Variants in ABCC5 observed in about 807,000 individuals in gnomAD.
ABCC5 encodes the protein ATP binding cassette subfamily C member 5.
Under a neutral mutation model 160.9 loss-of-function variants are expected in ABCC5, and 61 were observed. The ratio of observed to expected loss-of-function variants is 0.38; its 90% CI spans 0.31 to 0.47. ABCC5 has a LOEUF of 0.47. Ranked by LOEUF, ABCC5 falls within the 20% of genes least tolerant of loss-of-function variation. The pLI, the probability that ABCC5 is intolerant of heterozygous loss-of-function variation, is 0.99. For synonymous variants in ABCC5, 666 were observed against 700.6 expected (o/e 0.95, Z 0.78); for missense variants, 1,308 against 1,813.3 (o/e 0.72, Z 5.06).
At chr3:183,967,013 T>TG (rs1471951307) in intron 12 of ABCC5, among the ~76,000 whole-genome samples, 2 of 151,998 alleles carry the variant, frequency 1.3e-5, no homozygotes, top group Non-Finnish European at 2.9e-5. Flanking sequence ...CACCTTGTTT[T>TG]TTTTTTTTTT....
intron 1 of ABCC5, among the ~76,000 whole-genome samples, chr3:184,015,620 A>G (rs1722126958): frequency 6.6e-6 from 1 of 152,186 alleles, no homozygotes. Flanking sequence ...GTCCAAAGAA[A>G]GCTTGATTTC....
chr3:183,953,543 G>T (rs781299006), intron 17 of ABCC5, among the ~76,000 whole-genome samples: 1 of 152,142 alleles, frequency 6.6e-6, no homozygotes, highest in Non-Finnish European at 1.5e-5. Flanking sequence ...CAGACTGGTA[G>T]GACAGGCAGA....
At chr3:184,005,250 T>C (rs943268139) in intron 2 of ABCC5, among the ~76,000 whole-genome samples, 1 of 152,168 alleles carries the variant, frequency 6.6e-6, no homozygotes, top group African/African-American at 2.4e-5. Context: ...TGAGGTTCCA[T>C]CCATCTTTTA....
At chr3:183,962,563 C>T (rs1412296053) in intron 15 of ABCC5, among the ~76,000 whole-genome samples, 2 of 147,114 alleles carry the variant, frequency 1.4e-5, no homozygotes, top group African/African-American at 2.5e-5. Context: ...CAGAGTCTTG[C>T]TCTTGTTGCC....
intron 26 of ABCC5, among the ~76,000 whole-genome samples, chr3:183,929,517 G>A (rs1368721473): frequency 1.3e-5 from 2 of 152,126 alleles, no homozygotes; most frequent in Non-Finnish European, 2.9e-5. Flanking sequence ...TGGTTTACCT[G>A]GTTCACAACC....
In ABCC5 at chr3:183,951,237, C is replaced by G. The variant is rs555873071; in HGVS notation, c.2944+204G>C. Among the ~76,000 whole-genome samples the G allele has an allele frequency of 6.6e-6, 1 of 152,198 alleles. No individual in the cohort carries two copies. Among genetic ancestry groups the G allele is most frequent in the Non-Finnish European group, 1.5e-5 (1 of 68,042 alleles). ...GAATCTCAGATGCCTCTGTTCAAAG[C>G]CTTTCTGCTAACTCAATTCATTGAA... On this transcript the variant is annotated intron_variant, in intron 20 of 29. Transcript: ENST00000334444. This position sits in a 1 kb window ranked among gnomAD's most constrained non-coding sequence, Gnocchi z 4.7.
rs758648652 is a variant in ABCC5, at chr3:183,982,539, G to A, written c.911C>T (p.Ala304Val). The change falls in exon 7 of 30, where the codon GCC (alanine) becomes GTC (valine). Residue 304 changes from alanine (A) to valine (V), a missense_variant. Ala to Val is a moderately conservative substitution (Grantham distance 64, BLOSUM62 0). Coordinates refer to ENST00000334444, the MANE Select transcript of ABCC5 (RefSeq NM_005688.4). The surrounding 1 kb of genome is among the most constrained non-coding windows in gnomAD (Gnocchi z 5.2). ...TACATTATAAATCATGCCTAAGATG[G>A]CAACAACGGGTCCTCCAGCCAGCAG... ...GSLLAGGPVVAILGMIYNVII... is the reference protein window; with the variant it reads ...GSLLAGGPVVVILGMIYNVII... 1.2e-6 allele frequency: 2 copies of A among 1,614,120 alleles called. No individual in the cohort carries two copies. The highest frequency in any genetic ancestry group is 1.7e-6 in the Non-Finnish European group (2 of 1,180,036).
rs921362980 is a variant in ABCC5 at position 183,961,522 on chromosome 3, G to A, written c.2368C>T (p.Pro790Ser). 8.1e-6 allele frequency: 13 copies of A among 1,613,986 alleles called. No homozygotes were observed. In the African/African-American group the frequency reaches 1.7e-4, roughly 22 times the overall value. The change falls in exon 16 of 30, where the codon CCG (proline) becomes TCG (serine). Residue 790 changes from proline to serine, a missense_variant. Transcript: ENST00000334444. ...CCATCAGATCTTACCTCAACTGGCG[G>A]TGTCTCTCCCAGCAACAGGTTATTA... Reference protein sequence around the residue: ...IFNNLLLGETPPVEINSKKET... With the variant: ...IFNNLLLGETSPVEINSKKET...
At chr3:184,016,839 T>C (rs1234759021) in intron 1 of ABCC5, among the ~76,000 whole-genome samples, 3 of 152,164 alleles carry the variant, frequency 2.0e-5, no homozygotes, top group Non-Finnish European at 2.9e-5. Flanking sequence ...ACACTCTCCC[T>C]GCACAATGAT....
chr3:183,934,819 A>C (rs1037741564), intron 26 of ABCC5, among the ~76,000 whole-genome samples: 1 of 147,648 alleles, frequency 6.8e-6, no homozygotes, highest in South Asian at 2.2e-4. Context: ...ACCTGGCCTC[A>C]TGGTCAGTTG....
intron 8 of ABCC5, among the ~76,000 whole-genome samples, chr3:183,979,612 GCT>G (rs1172241323): frequency 6.6e-6 from 1 of 152,092 alleles, no homozygotes; most frequent in Admixed American, 6.6e-5. Flanking sequence ...ACGAGGTCTC[GCT>G]CTGTTGCTCA....
rs771676133 is a variant in ABCC5, at chr3:183,947,463, G to A, written c.3275C>T (p.Thr1092Met). The part of the protein sequence containing the change: ...DDNQAPFFLF[T>M]CAMRWLAVRL... ...CACAGCCAGCCACCGCATCGCACAC[G>A]TAAACAAAAAAAAAGGAGCTTGGTT... Residue 1092 changes from threonine to methionine, a missense_variant, in exon 23 of 30, where the codon ACG (threonine) becomes ATG (methionine). By Grantham distance (81) the Thr-to-Met change is moderately conservative. Coordinates refer to ENST00000334444, the MANE Select transcript of ABCC5 (RefSeq NM_005688.4). 2.1e-5 allele frequency: 34 copies of A among 1,607,310 alleles called. No individual in the cohort carries two copies. The highest frequency in any genetic ancestry group is 2.2e-5 in the East Asian group (1 of 44,750).
At position 183,921,129 on chromosome 3, in the gene ABCC5, A is replaced by G; in HGVS notation, c.*171T>C. The G allele has an allele frequency of 2.0e-6, 1 of 493,050 alleles. No individual in the cohort carries two copies. Among genetic ancestry groups the G allele is most frequent in the Non-Finnish European group, 3.7e-6 (1 of 271,582 alleles). 30.5% of individuals were successfully genotyped at this position (493,050 alleles called of 1,614,324 possible). On this transcript the variant is annotated 3_prime_UTR_variant, in exon 30 of 30. Coordinates refer to ENST00000334444, the MANE Select transcript of ABCC5 (RefSeq NM_005688.4). The surrounding 1 kb of genome is among the most constrained non-coding windows in gnomAD (Gnocchi z 4.1). ...ACATGAATATGGAATAAATACAATA[A>G]TCAAAATATGACTCTCCCTAAAAGT...
chr3:183,925,791 A>G (rs1577446851), intron 28 of ABCC5, 72 bp from the exon 29 acceptor site: 1 of 1,456,048 alleles, frequency 6.9e-7, no homozygotes, highest in East Asian at 2.3e-5. Context: ...AGATTTTACT[A>G]AAATGTATTT....
chr3:183,972,617 C>T (rs1246549906), intron 10 of ABCC5, among the ~76,000 whole-genome samples: 1 of 152,148 alleles, frequency 6.6e-6, no homozygotes, highest in Non-Finnish European at 1.5e-5. Context: ...CCCACTCATT[C>T]CCAGAGACCC....
intron 1 of ABCC5, among the ~76,000 whole-genome samples, chr3:184,015,666 T>C (rs1403553260): frequency 1.3e-5 from 2 of 151,950 alleles, no homozygotes; most frequent in Non-Finnish European, 2.9e-5. Flanking sequence ...TACCCTAAGT[T>C]GATATAGCTG....
At chr3:183,977,284 C>T (rs1718300844) in intron 10 of ABCC5, among the ~76,000 whole-genome samples, 2 of 152,176 alleles carry the variant, frequency 1.3e-5, no homozygotes, top group Admixed American at 6.5e-5. Flanking sequence ...ATCCTGGGAG[C>T]CCAGATCATG....
At chr3:183,977,218 G>A (rs564035746) in intron 10 of ABCC5, among the ~76,000 whole-genome samples, 40 of 152,326 alleles carry the variant, frequency 2.6e-4, no homozygotes, top group African/African-American at 9.4e-4. Flanking sequence ...AGTGAGTTGC[G>A]ACACATCCAT....
At position 183,920,163 on chromosome 3, in the gene ABCC5, C is replaced by T. The variant is rs1185685905; in HGVS notation, c.*1137G>A. 6.6e-6 allele frequency: 1 copy of T among 152,666 alleles called. No individual in the cohort carries two copies. Among genetic ancestry groups the T allele is most frequent in the Non-Finnish European group, 1.5e-5 (1 of 68,076 alleles). 9.5% of individuals were successfully genotyped at this position (152,666 alleles called of 1,614,324 possible). A position where few individuals can be genotyped will look rare whatever the true frequency, so the allele number is the denominator to read the frequency against. On this transcript the variant is annotated 3_prime_UTR_variant, in exon 30 of 30. Coordinates refer to ENST00000334444, the MANE Select transcript of ABCC5 (RefSeq NM_005688.4). The surrounding 1 kb of genome is among the most constrained non-coding windows in gnomAD (Gnocchi z 4.1). ...CAGCAACCAGCAACCTGAGGTAGGT[C>T]TCTTTACAGTACAAAAACTTCTACG...
Sources: allele counts gnomAD v4.1 joint callset (sites outside exome capture counted in the v4.1 genomes callset), GRCh38; gene constraint gnomAD v4.1.1; non-coding constraint Gnocchi (gnomAD v3.1); transcripts MANE v1.5; gene names NCBI Gene and HGNC (gene_info 2026-07-23, HGNC 2026-07-21).